ROR1: variants seen among roughly 807,000 people sequenced by gnomAD.
ROR1 encodes the protein ROR family WNT receptor 1.
In ROR1, 19 loss-of-function variants were observed where a neutral mutation model predicts 78.8. The ratio of observed to expected loss-of-function variants is 0.24; its 90% CI spans 0.17 to 0.35. The LOEUF is 0.35. ROR1 is among the 10% of genes least tolerant of loss of function. The pLI is 1.00. For missense variants in ROR1, 917 were observed against 1,177.8 expected (o/e 0.78, Z 3.24); for synonymous variants, 386 against 433.6 (o/e 0.89, Z 1.36).
intron 7 of ROR1, among the ~76,000 whole-genome samples, chr1:64,155,679 G>T (rs1557677468): frequency 6.6e-6 from 1 of 152,178 alleles, no homozygotes. Context: ...TGCCAGGCAG[G>T]TGAGGCCCTA....
intron 4 of ROR1, chr1:64,066,538 C>G (rs1646957774): frequency 6.6e-6 from 1 of 152,202 alleles, no homozygotes; most frequent in Admixed American, 6.5e-5. Context: ...GGGATGGTCT[C>G]GATCTGACCT....
chr1:63,847,306 C>G (rs530334560), intron 1 of ROR1, among the ~76,000 whole-genome samples: 1 of 152,186 alleles, frequency 6.6e-6, no homozygotes, highest in African/African-American at 2.4e-5. Context: ...AAGTATTCCC[C>G]GCAAGAACTA....
intron 1 of ROR1, among the ~76,000 whole-genome samples, chr1:63,786,507 C>A (rs986815355): frequency 6.6e-6 from 1 of 150,538 alleles, no homozygotes; most frequent in African/African-American, 2.4e-5. Flanking sequence ...CTCCTGACCC[C>A]GTGATCCTCC....
At chr1:63,832,779 G>A (rs563607838) in intron 1 of ROR1, among the ~76,000 whole-genome samples, 2 of 152,256 alleles carry the variant, frequency 1.3e-5, no homozygotes, top group African/African-American at 4.8e-5. Flanking sequence ...TTTTATCCAC[G>A]AAAAGTACTA....
At chr1:64,108,402 A>T (rs1647926786) in intron 4 of ROR1, 2 of 16,970 alleles carry the variant, frequency 1.2e-4, no homozygotes, top group Non-Finnish European at 1.1e-4. Flanking sequence ...ATCTAAAAAA[A>T]AAAAAAAAAA....
intron 2 of ROR1, among the ~76,000 whole-genome samples, chr1:64,043,530 A>C (rs756430821): frequency 6.6e-6 from 1 of 152,206 alleles, no homozygotes; most frequent in Non-Finnish European, 1.5e-5. Flanking sequence ...CTCATTCTCA[A>C]TGATGACTTC....
At chr1:63,922,584 C>G (rs1439286877) in intron 1 of ROR1, among the ~76,000 whole-genome samples, 1 of 152,108 alleles carries the variant, frequency 6.6e-6, no homozygotes, top group Non-Finnish European at 1.5e-5. Flanking sequence ...TCTTAATTTG[C>G]AGAATTTCAT....
At chr1:64,110,779 A>T (rs1174057750) in intron 4 of ROR1, 1 of 151,960 alleles carries the variant, frequency 6.6e-6, no homozygotes. Context: ...AGAATGCAGG[A>T]TGGTGCTGGA....
Position 63,879,892 on chromosome 1 carries a change from G to T in ROR1, c.91+105384G>T, listed in dbSNP as rs187822520. 2.3e-3 allele frequency among the ~76,000 whole-genome samples: 348 copies of T among 152,180 alleles called. 4 individuals are homozygous for T. Among genetic ancestry groups the T allele is most frequent in the African/African-American group, 8.0e-3 (333 of 41,530 alleles). On this transcript the variant is annotated intron_variant, in intron 1 of 8. Coordinates refer to ENST00000371079, the MANE Select transcript of ROR1 (RefSeq NM_005012.4). ...GATCTAAGCTGAAATAGATTTTTTT[G>T]TGTGTGTTTTATTATAGTAGTGGTT... is the stretch of plus-strand genomic sequence containing the variant.
At chr1:63,913,618 G>A (rs1276633609) in intron 1 of ROR1, among the ~76,000 whole-genome samples, 1 of 152,084 alleles carries the variant, frequency 6.6e-6, no homozygotes, top group East Asian at 1.9e-4. Context: ...GGACTGAAAG[G>A]CATTCCCTTG....
At chr1:64,076,805 A>C (rs1040599275) in intron 4 of ROR1, among the ~76,000 whole-genome samples, 21 of 152,222 alleles carry the variant, frequency 1.4e-4, no homozygotes, top group African/African-American at 4.8e-4. Context: ...ATTTTGATAT[A>C]TTTATATGCT....
At chr1:63,939,305 G>C (rs1645817909) in intron 1 of ROR1, among the ~76,000 whole-genome samples, 2 of 152,150 alleles carry the variant, frequency 1.3e-5, no homozygotes, top group Admixed American at 6.5e-5. Flanking sequence ...TTGGGGACGA[G>C]AGCATATTTT....
chr1:63,863,802 T>TATTGTA (rs1645198125), intron 1 of ROR1, among the ~76,000 whole-genome samples: 2 of 118,548 alleles, frequency 1.7e-5, no homozygotes, highest in African/African-American at 8.4e-5. Flanking sequence ...TATTGTATTG[T>TATTGTA]ATCATAGATG....
intron 1 of ROR1, among the ~76,000 whole-genome samples, chr1:63,777,707 G>A (rs1320396551): frequency 6.6e-6 from 1 of 152,176 alleles, no homozygotes; most frequent in African/African-American, 2.4e-5. Flanking sequence ...TTAGTATCAG[G>A]TTTGGCTGGT....
At chr1:63,924,337 C>T (rs1645681684) in intron 1 of ROR1, among the ~76,000 whole-genome samples, 1 of 152,080 alleles carries the variant, frequency 6.6e-6, no homozygotes, top group African/African-American at 2.4e-5. Flanking sequence ...AAGAGGCACT[C>T]AGCAAATATT....
chr1:64,056,849 T>A (rs1646879722), intron 4 of ROR1, among the ~76,000 whole-genome samples: 2 of 152,312 alleles, frequency 1.3e-5, no homozygotes, highest in Non-Finnish European at 2.9e-5. Flanking sequence ...TTTTTACCCA[T>A]TTTTTAAATT....
intron 3 of ROR1, among the ~76,000 whole-genome samples, chr1:64,050,427 A>G (rs1320459317): frequency 6.6e-6 from 1 of 151,764 alleles, no homozygotes; most frequent in Admixed American, 6.6e-5. Flanking sequence ...GAAGATGCTT[A>G]CTCGATTAAC....
chr1:63,855,831 G>A (rs1243393758), intron 1 of ROR1, among the ~76,000 whole-genome samples: 3 of 146,044 alleles, frequency 2.1e-5, no homozygotes, highest in Admixed American at 2.0e-4. Flanking sequence ...TTTTTTTTCT[G>A]TATTTTTAGT....
At chr1:64,150,936 T>C (rs1312535781) in intron 7 of ROR1, among the ~76,000 whole-genome samples, 1 of 152,200 alleles carries the variant, frequency 6.6e-6, no homozygotes, top group Non-Finnish European at 1.5e-5. Context: ...CTCTGAACTT[T>C]TTGGGCTCAC....
Sources: allele counts gnomAD v4.1 joint callset (sites outside exome capture counted in the v4.1 genomes callset), GRCh38; gene constraint gnomAD v4.1.1; transcripts MANE v1.5; gene names NCBI Gene and HGNC (gene_info 2026-07-23, HGNC 2026-07-21).